Variants in STAC3 observed in about 807,000 individuals in gnomAD.
The protein encoded by STAC3 is SH3 and cysteine rich domain 3.
A neutral mutation model predicts 48.5 loss-of-function variants in STAC3; 30 were observed. That is an observed-to-expected ratio of 0.62 (90% CI 0.46 to 0.84). The LOEUF (loss-of-function observed/expected upper bound fraction) is 0.84. Ranked by LOEUF, STAC3 falls within the 40% of genes least tolerant of loss-of-function variation. STAC3 has a pLI of 0.00. For missense variants in STAC3, 419 were observed against 462.6 expected (o/e 0.91, Z 0.86); for synonymous variants, 144 against 158.6 (o/e 0.91, Z 0.69).
At chr12:57,246,468 C>T (rs1444757757) in intron 6 of STAC3, among the ~76,000 whole-genome samples, 2 of 151,542 alleles carry the variant, frequency 1.3e-5, no homozygotes, top group Non-Finnish European at 2.9e-5. Context: ...CTCTGCCTCC[C>T]GGGTTCAAGC....
intron 3 of STAC3, 60 bp from the exon 4 acceptor site, chr12:57,248,863 C>A: frequency 1.3e-6 from 2 of 1,534,252 alleles, no homozygotes; most frequent in Non-Finnish European, 1.8e-6. Context: ...CTTTGTACCA[C>A]TGCTGCTACT....
At position 57,249,301 on chromosome 12, in the gene STAC3, C is replaced by T. The variant is rs146128235; in HGVS notation, c.74G>A (p.Arg25Gln). 21 of 1,585,534 alleles carry T rather than the reference C, an allele frequency of 1.3e-5. No individual in the cohort carries two copies. Among genetic ancestry groups the T allele is most frequent in the East Asian group, 4.5e-5 (2 of 44,488 alleles). The part of the protein sequence containing the change: ...PAETRQSGLQ[R>Q]LKQLLRKGST... Reference sequence around the variant, plus strand: ...ACCCTTCCTGAGTAACTGCTTTAGCCGCTGTAGCTGAGGGAGGGAGTGAAG... The same window carrying T: ...ACCCTTCCTGAGTAACTGCTTTAGCTGCTGTAGCTGAGGGAGGGAGTGAAG... The change falls in exon 3 of 12, where the codon CGG becomes CAG. Residue 25 changes from arginine (R) to glutamine (Q), a missense_variant. By Grantham distance (43) the Arg-to-Gln change is conservative. Coordinates refer to ENST00000332782, the MANE Select transcript of STAC3 (RefSeq NM_145064.3).
intron 6 of STAC3, among the ~76,000 whole-genome samples, 156 bp from the exon 7 acceptor site, chr12:57,245,367 T>C (rs2037711616): frequency 6.6e-6 from 1 of 151,176 alleles, no homozygotes; most frequent in Non-Finnish European, 1.5e-5. Flanking sequence ...ATCTGCCTAA[T>C]GCAGGAACTT....
intron 9 of STAC3, 83 bp downstream of exon 9, chr12:57,244,454 C>A (rs1020459082): frequency 6.2e-7 from 1 of 1,611,374 alleles, no homozygotes; most frequent in Non-Finnish European, 8.5e-7. Context: ...AGCCCTGAGT[C>A]CCCCCTTTTC....
Position 57,244,083 on chromosome 12 carries a change from C to T in STAC3, c.996+5G>A, listed in dbSNP as rs757675474. On this transcript the variant is annotated splice_donor_5th_base_variant and intron_variant, in intron 11 of 11. Transcript: ENST00000332782. The stretch of plus-strand genomic sequence containing the variant: ...GCCTGGGATTGGGTTGGGGCAACAG[C>T]CTACCTGGTCCTTCTTGAGAGTGAT... 2 of 1,614,110 alleles carry T rather than the reference C, an allele frequency of 1.2e-6. No individual in the cohort carries two copies. Among genetic ancestry groups the T allele is most frequent in the Non-Finnish European group, 1.7e-6 (2 of 1,180,030 alleles).
intron 2 of STAC3, 51 bp from the exon 3 acceptor site, chr12:57,249,359 T>C: frequency 6.5e-7 from 1 of 1,535,358 alleles, no homozygotes; most frequent in Non-Finnish European, 8.7e-7. Flanking sequence ...TGTCACCCTC[T>C]CTAGAGTAGG....
At chr12:57,244,032 A>G (rs570983459) in intron 11 of STAC3, 56 bp downstream of exon 11, 152 of 1,612,836 alleles carry the variant, frequency 9.4e-5, no homozygotes, top group Admixed American at 2.7e-4. Context: ...CTCTCCAAGG[A>G]GTGTGGTGGG....
Position 57,243,665 on chromosome 12 carries a change from C to A in STAC3, c.*147G>T. ...GCTGGGGAAGGGGGCGAGAACCAGT[C>A]CCTTCCCGGAAGCCCCGTCGCGCTC... is the stretch of plus-strand genomic sequence containing the variant. On this transcript the variant is annotated 3_prime_UTR_variant, in exon 12 of 12. Coordinates refer to ENST00000332782, the MANE Select transcript of STAC3 (RefSeq NM_145064.3). 1.3e-6 allele frequency: 1 copy of A among 776,516 alleles called. No homozygotes were observed. Among genetic ancestry groups the A allele is most frequent in the Non-Finnish European group, 2.2e-6 (1 of 446,234 alleles). 48.1% of individuals were successfully genotyped at this position (776,516 alleles called of 1,614,324 possible). A position where few individuals can be genotyped will look rare whatever the true frequency, so the allele number is the denominator to read the frequency against.
chr12:57,243,839 A>C lies in STAC3; in HGVS notation c.1068T>G (p.Phe356Leu), dbSNP rs550749695. The C allele has an allele frequency of 1.9e-6, 3 of 1,614,030 alleles. No individual in the cohort carries two copies. The highest frequency in any genetic ancestry group is 2.2e-5 in the East Asian group (1 of 44,868). Residue 356 changes from phenylalanine (F) to leucine (L), a missense_variant, in exon 12 of 12, where the codon TTT becomes TTG. By Grantham distance (22) the Phe-to-Leu change is conservative. Coordinates refer to ENST00000332782, the MANE Select transcript of STAC3 (RefSeq NM_145064.3). ...AAATTTCCTCTAGAAAGTCGGTGGG[A>C]AACAGCCCCACCTTGCGGCCGGTGT... Reference protein sequence around the residue: ...KVYTGRKVGLFPTDFLEEI With the variant: ...KVYTGRKVGLLPTDFLEEI
In STAC3 at chr12:57,243,608, C is replaced by A; in HGVS notation, c.*204G>T. On this transcript the variant is annotated 3_prime_UTR_variant, in exon 12 of 12. Transcript: ENST00000332782. ...GGGCCTGAAAGGTTTCGGGTCCGGG[C>A]TGCTCTGGGCAGCAGGTATCCGAGG... The A allele has an allele frequency of 1.8e-6, 1 of 545,084 alleles. No homozygotes were observed. Among genetic ancestry groups the A allele is most frequent in the Non-Finnish European group, 3.5e-6 (1 of 287,908 alleles). The allele number at this position is 545,084 out of a possible 1,614,324, so 33.8% of individuals were successfully genotyped here.
intron 8 of STAC3, 64 bp downstream of exon 8, chr12:57,244,852 G>T: frequency 6.4e-7 from 1 of 1,572,662 alleles, no homozygotes; most frequent in Non-Finnish European, 8.8e-7. Flanking sequence ...AGGGCCATGA[G>T]TAGTGGTGTC....
chr12:57,246,060 G>T (rs977489084), intron 6 of STAC3, among the ~76,000 whole-genome samples: 23 of 138,090 alleles, frequency 1.7e-4, no homozygotes, highest in African/African-American at 6.3e-4. Flanking sequence ...GGTGAGCCGA[G>T]ATCGTGCCAT....
chr12:57,247,434 T>TATTA lies in STAC3; in HGVS notation c.506-534_506-533insTAAT, dbSNP rs1565782157. On this transcript the variant is annotated intron_variant, in intron 5 of 11. Coordinates refer to ENST00000332782, the MANE Select transcript of STAC3 (RefSeq NM_145064.3). Reference sequence around the variant, plus strand: ...TATTATTATTATTATTATTATTTTTTTTTTTTTTTTTTTTTTTGAGACGGA... The same window carrying TATTA: ...TATTATTATTATTATTATTATTTTTTATTATTTTTTTTTTTTTTTTTGAGACGGA... Among the ~76,000 whole-genome samples the TATTA allele has an allele frequency of 8.0e-3, 765 of 95,476 alleles. 9 individuals carry two copies. The highest frequency in any genetic ancestry group is 0.027 in the African/African-American group (727 of 27,396). The allele number at this position is 95,476 out of a possible 152,430, so 62.6% of individuals were successfully genotyped here. A position where few individuals can be genotyped will look rare whatever the true frequency, so the allele number is the denominator to read the frequency against.
chr12:57,244,990 T>C, intron 7 of STAC3, 25 bp from the exon 8 acceptor site: 1 of 1,613,908 alleles, frequency 6.2e-7, no homozygotes, highest in African/African-American at 1.3e-5. Context: ...ACCAACAAAT[T>C]GTCTGTCTCC....
intron 2 of STAC3, 123 bp from the exon 3 acceptor site, chr12:57,249,431 G>GA: frequency 6.8e-7 from 1 of 1,481,176 alleles, no homozygotes; most frequent in Non-Finnish European, 9.1e-7. Flanking sequence ...CCCAGGATTA[G>GA]GGGGGTATTG....
Position 57,244,295 on chromosome 12 carries a change from G to T in STAC3, c.858+20C>A. On this transcript the variant is annotated intron_variant, in intron 10 of 11. Coordinates refer to ENST00000332782, the MANE Select transcript of STAC3 (RefSeq NM_145064.3). ...TGGACTCAACCCACACTCCACCCTA[G>T]CCCTAGCCATTTCTCTCACCCGCCA... is the stretch of plus-strand genomic sequence containing the variant. 1 of 1,614,010 alleles carries T rather than the reference G, an allele frequency of 6.2e-7. No individual in the cohort carries two copies. Among genetic ancestry groups the T allele is most frequent in the Non-Finnish European group, 8.5e-7 (1 of 1,179,978 alleles).
At position 57,243,753 on chromosome 12, in the gene STAC3, TCCA is replaced by T. The variant is rs1382347138; in HGVS notation, c.*56_*58del. The stretch of plus-strand genomic sequence containing the variant: ...GTTGCTTTCGCCCCCCTCCCCAAAC[TCCA>T]CTGGGCCCGCCCAGAATGGGGTGTG... On this transcript the variant is annotated 3_prime_UTR_variant, in exon 12 of 12. Coordinates refer to ENST00000332782, the MANE Select transcript of STAC3 (RefSeq NM_145064.3). 3 of 1,526,634 alleles carry T rather than the reference TCCA, an allele frequency of 2.0e-6. No individual in the cohort carries two copies. Among genetic ancestry groups the T allele is most frequent in the Non-Finnish European group, 1.8e-6 (2 of 1,107,252 alleles). 94.6% of individuals were successfully genotyped at this position (1,526,634 alleles called of 1,614,324 possible). A position where few individuals can be genotyped will look rare whatever the true frequency, so the allele number is the denominator to read the frequency against.
intron 5 of STAC3, among the ~76,000 whole-genome samples, chr12:57,247,108 T>C (rs1015825819): frequency 3.3e-5 from 5 of 152,082 alleles, no homozygotes; most frequent in Admixed American, 1.3e-4. Flanking sequence ...TCACTGGTGA[T>C]GTAAAGTGAG....
At position 57,244,070 on chromosome 12, in the gene STAC3, G is replaced by T. The variant is rs1033201319; in HGVS notation, c.996+18C>A. ...AGGGAGCATTCAGGCCTGGGATTGG[G>T]TTGGGGCAACAGCCTACCTGGTCCT... On this transcript the variant is annotated intron_variant, in intron 11 of 11. Transcript: ENST00000332782. 2.5e-6 allele frequency: 4 copies of T among 1,614,096 alleles called. No individual in the cohort carries two copies. The highest frequency in any genetic ancestry group is 1.1e-5 in the South Asian group (1 of 91,072).
Sources: allele counts gnomAD v4.1 joint callset (sites outside exome capture counted in the v4.1 genomes callset), GRCh38; gene constraint gnomAD v4.1.1; transcripts MANE v1.5; gene names NCBI Gene and HGNC (gene_info 2026-07-23, HGNC 2026-07-21).